The following RUFY1 variants were observed in gnomAD, a reference collection of about 807,000 sequenced individuals.
RUFY1 encodes the protein RUN and FYVE domain-containing protein 1.
Under a neutral mutation model 94.6 loss-of-function variants are expected in RUFY1, and 54 were observed. The ratio of observed to expected loss-of-function variants is 0.57; its 90% CI spans 0.46 to 0.72. RUFY1 has a LOEUF of 0.72. Among genes scored for constraint, RUFY1 ranks in the 30% least tolerant of loss-of-function variants. The pLI, the probability that RUFY1 is intolerant of heterozygous loss-of-function variation, is 0.00. For synonymous variants in RUFY1, 396 were observed against 347.3 expected (o/e 1.14, Z -1.56); for missense variants, 883 against 883.9 (o/e 1.00, Z 0.01).
At chr5:179,555,991 C>A (rs1213400818) in intron 1 of RUFY1, among the ~76,000 whole-genome samples, 2 of 151,962 alleles carry the variant, frequency 1.3e-5, no homozygotes, top group African/African-American at 2.4e-5. Flanking sequence ...AGACACTGCT[C>A]CCAGCCGAAA....
chr5:179,585,665 T>C (rs775244356), intron 7 of RUFY1, 131 bp from the exon 8 acceptor site: 11 of 659,026 alleles, frequency 1.7e-5, no homozygotes, highest in Admixed American at 2.6e-5. Flanking sequence ...TCATCTTCTC[T>C]GAGTTAATTG....
chr5:179,550,640 C>G lies in RUFY1; in HGVS notation c.71C>G (p.Pro24Arg). 2 of 1,406,298 alleles carry G rather than the reference C, an allele frequency of 1.4e-6. No homozygotes were observed. The highest frequency in any genetic ancestry group is 1.8e-6 in the Non-Finnish European group (2 of 1,090,720). 87.1% of individuals were successfully genotyped at this position (1,406,298 alleles called of 1,614,324 possible). A position where few individuals can be genotyped will look rare whatever the true frequency, so the allele number is the denominator to read the frequency against. The change falls in exon 1 of 18, where the codon CCG (proline) becomes CGG (arginine). Residue 24 changes from proline (P) to arginine (R), a missense_variant. Coordinates refer to ENST00000319449, the MANE Select transcript of RUFY1 (RefSeq NM_025158.5). ...CTGGAGCCGGAGCTGGAGCCGGGGC[C>G]GGGGCCCGGGTCAGCGCTTGAGCCG... is the stretch of plus-strand genomic sequence containing the variant. ...RELEPELEPGPGPGSALEPGE... is the reference protein window; with the variant it reads ...RELEPELEPGRGPGSALEPGE...
chr5:179,600,263 C>G (rs77151196), intron 14 of RUFY1, among the ~76,000 whole-genome samples: 1,743 of 152,308 alleles, frequency 0.011, 28 homozygotes, highest in African/African-American at 0.039. Context: ...CACTCGGGCC[C>G]GAGCTCCACC....
intron 13 of RUFY1, chr5:179,598,416 G>C (rs1011695922): frequency 2.5e-6 from 1 of 400,686 alleles, no homozygotes; most frequent in African/African-American, 2.1e-5. Flanking sequence ...TCCATGTCGG[G>C]AGGGTTCTGC....
intron 13 of RUFY1, chr5:179,597,023 A>T (rs1288165286): frequency 3.9e-6 from 1 of 257,202 alleles, no homozygotes; most frequent in African/African-American, 2.2e-5. Flanking sequence ...GCCTTTGCTG[A>T]TGCAAGCTTC....
At chr5:179,565,677 G>C (rs1007003408) in intron 3 of RUFY1, among the ~76,000 whole-genome samples, 2 of 151,866 alleles carry the variant, frequency 1.3e-5, no homozygotes, top group Non-Finnish European at 2.9e-5. Flanking sequence ...GTCTAATTTT[G>C]TTTAACCCCG....
intron 5 of RUFY1, among the ~76,000 whole-genome samples, chr5:179,570,021 G>A (rs1763107508): frequency 6.6e-6 from 1 of 151,814 alleles, no homozygotes; most frequent in African/African-American, 2.4e-5. Context: ...TGGGATTACA[G>A]GCGTGAGCCA....
In RUFY1 at chr5:179,580,206, CGTGTGTGT is replaced by C. The variant is rs71591429; in HGVS notation, c.891-712_891-705del. The stretch of plus-strand genomic sequence containing the variant: ...TTTTTGTAAACAAATCAAAAAATTC[CGTGTGTGT>C]GTGTGTGTGTGTGTGTGTGTGTGTG... On this transcript the variant is annotated intron_variant, in intron 6 of 17. Coordinates refer to ENST00000319449, the MANE Select transcript of RUFY1 (RefSeq NM_025158.5). Among the ~76,000 whole-genome samples the C allele has an allele frequency of 3.4e-3, 430 of 127,588 alleles. 3 individuals carry two copies. The highest frequency in any genetic ancestry group is 0.011 in the African/African-American group (377 of 34,704). The allele number at this position is 127,588 out of a possible 152,430, so 83.7% of individuals were successfully genotyped here. A position where few individuals can be genotyped will look rare whatever the true frequency, so the allele number is the denominator to read the frequency against.
intron 4 of RUFY1, among the ~76,000 whole-genome samples, chr5:179,567,835 C>G (rs912859870): frequency 6.6e-6 from 1 of 151,892 alleles, no homozygotes; most frequent in African/African-American, 2.4e-5. Flanking sequence ...ACCCGCGAGG[C>G]GGAGGTTGCA....
rs899456325 is a variant in RUFY1, at chr5:179,550,849, G to T, written c.280G>T (p.Gly94Trp). Residue 94 changes from glycine (G) to tryptophan (W), a missense_variant, in exon 1 of 18, where the codon GGG (glycine) becomes TGG (tryptophan). Coordinates refer to ENST00000319449, the MANE Select transcript of RUFY1 (RefSeq NM_025158.5). Reference protein sequence around the residue: ...ALRAAAGLGGGDSGDGTARAA... With the variant: ...ALRAAAGLGGWDSGDGTARAA... ...GCGCGCGGCCGCGGGGCTGGGCGGC[G>T]GGGACAGCGGGGACGGCACGGCGCG... is the stretch of plus-strand genomic sequence containing the variant. 7.5e-6 allele frequency: 9 copies of T among 1,201,102 alleles called. 1 individual carries two copies. The Admixed American group carries it at 1.8e-4, about 24-fold the overall frequency. 74.4% of individuals were successfully genotyped at this position (1,201,102 alleles called of 1,614,324 possible). A position where few individuals can be genotyped will look rare whatever the true frequency, so the allele number is the denominator to read the frequency against.
At chr5:179,604,011 C>T (rs539345790) in intron 15 of RUFY1, among the ~76,000 whole-genome samples, 3 of 152,276 alleles carry the variant, frequency 2.0e-5, no homozygotes, top group East Asian at 3.9e-4. Context: ...GAGCCGAGAT[C>T]GCGCCATTGC....
At position 179,581,020 on chromosome 5, in the gene RUFY1, T is replaced by C; in HGVS notation, c.956+8T>C. ...ACTTAACCGGCACTTGAGGTAAGAC[T>C]CCTTTTTTTTTCAATGTGACAGTTA... On this transcript the variant is annotated splice_region_variant and intron_variant, in intron 7 of 17. Transcript: ENST00000319449. 6.3e-7 allele frequency: 1 copy of C among 1,576,832 alleles called. No individual in the cohort carries two copies. The highest frequency in any genetic ancestry group is 8.7e-7 in the Non-Finnish European group (1 of 1,151,822).
At chr5:179,598,574 T>C (rs1581544850) in intron 13 of RUFY1, 118 bp from the exon 14 acceptor site, 1 of 1,200,310 alleles carries the variant, frequency 8.3e-7, no homozygotes, top group East Asian at 2.3e-5. Flanking sequence ...TGCCGAAGGC[T>C]TTAGATGCTC....
chr5:179,552,340 A>T (rs1032649028), intron 1 of RUFY1, among the ~76,000 whole-genome samples: 2 of 152,088 alleles, frequency 1.3e-5, no homozygotes, highest in Admixed American at 1.3e-4. Context: ...CCTTCCAAGG[A>T]GCATCATAGC....
At chr5:179,581,272 C>T (rs1268065810) in intron 7 of RUFY1, among the ~76,000 whole-genome samples, 3 of 152,134 alleles carry the variant, frequency 2.0e-5, no homozygotes, top group Non-Finnish European at 4.4e-5. Flanking sequence ...ACTCTCCATT[C>T]CTCGCCCCAC....
chr5:179,580,689 C>T (rs1764089712), intron 6 of RUFY1, among the ~76,000 whole-genome samples: 1 of 151,982 alleles, frequency 6.6e-6, no homozygotes, highest in African/African-American at 2.4e-5. Flanking sequence ...GGTGTTTTCA[C>T]CTTGCTTGCT....
At chr5:179,558,572 C>T (rs1383265522) in intron 1 of RUFY1, among the ~76,000 whole-genome samples, 1 of 137,128 alleles carries the variant, frequency 7.3e-6, no homozygotes, top group Admixed American at 7.3e-5. Context: ...AACAACATCT[C>T]AAAAAAAAAA....
At chr5:179,577,524 G>T (rs1763721617) in intron 6 of RUFY1, among the ~76,000 whole-genome samples, 1 of 150,730 alleles carries the variant, frequency 6.6e-6, no homozygotes, top group Non-Finnish European at 1.5e-5. Context: ...CGGAGGGCCG[G>T]GTCTCCGGAC....
intron 7 of RUFY1, among the ~76,000 whole-genome samples, chr5:179,581,726 G>C (rs1764181393): frequency 6.6e-6 from 1 of 151,132 alleles, no homozygotes; most frequent in African/African-American, 2.4e-5. Context: ...TGTTGCCCAG[G>C]CTGAAGTGTA....
Sources: gnomAD v4.1 joint callset for allele counts (sites outside exome capture counted in the v4.1 genomes callset) on GRCh38, gnomAD v4.1.1 for gene constraint, MANE v1.5 for transcripts, NCBI Gene and HGNC (gene_info 2026-07-23, HGNC 2026-07-21) for gene names.